Variants in SPICE1 observed in about 807,000 individuals in gnomAD.
SPICE1 encodes the protein spindle and centriole-associated protein 1.
A neutral mutation model predicts 102.7 loss-of-function variants in SPICE1; 75 were observed. The observed-to-expected ratio is 0.73, with a 90% confidence interval of 0.61 to 0.88. The LOEUF (loss-of-function observed/expected upper bound fraction) is 0.88, where lower values mean the gene tolerates loss of function less well. SPICE1 is among the 40% of genes least tolerant of loss of function. The pLI is 0.00. For missense variants in SPICE1, 979 were observed against 1,020.1 expected, an observed-to-expected ratio of 0.96 and a Z score of 0.55; for synonymous variants, 308 against 350.3, an observed-to-expected ratio of 0.88 and a Z score of 1.35.
chr3:113,488,894 G>A, intron 7 of SPICE1, 51 bp downstream of exon 7: 1 of 1,040,716 alleles, frequency 9.6e-7, no homozygotes, highest in Non-Finnish European at 1.5e-6. Context: ...ACATTGAAAT[G>A]GCCATGGAAA....
Position 113,499,487 on chromosome 3 carries a change from T to G in SPICE1, c.243A>C (p.Lys81Asn). 6.2e-7 allele frequency: 1 copy of G among 1,613,428 alleles called. No homozygotes were observed. The highest frequency in any genetic ancestry group is 8.5e-7 in the Non-Finnish European group (1 of 1,179,818). Reference protein sequence around the residue: ...KALKRKWRKQKPETLNLEKRR... With the variant: ...KALKRKWRKQNPETLNLEKRR... The stretch of plus-strand genomic sequence containing the variant: ...TTTTCTCAAGATTTAAAGTTTCTGG[T>G]TTCTGCTTCCTCCATTTTCTCTTCA... The change falls in exon 4 of 18, where the codon AAA (lysine) becomes AAC (asparagine). Residue 81 changes from lysine (K) to asparagine (N), a missense_variant. Coordinates refer to ENST00000295872, the MANE Select transcript of SPICE1 (RefSeq NM_144718.4).
Position 113,453,489 on chromosome 3 carries a change from C to T in SPICE1, c.2119G>A (p.Glu707Lys). The T allele has an allele frequency of 6.2e-7, 1 of 1,609,290 alleles. No individual in the cohort carries two copies. Among genetic ancestry groups the T allele is most frequent in the South Asian group, 1.1e-5 (1 of 90,570 alleles). The part of the protein sequence containing the change: ...GDGLRELNKQ[E>K]SASDMTSTFP... ...ACAGAAGTCATGTCACTTGCACTTT[C>T]TTGTTTGTTCAACTCCCGGAGTCCA... Residue 707 changes from glutamate (E) to lysine (K), a missense_variant, in exon 14 of 18, where the codon GAA (glutamate) becomes AAA (lysine). By Grantham distance (56) the Glu-to-Lys change is moderately conservative. Coordinates refer to ENST00000295872, the MANE Select transcript of SPICE1 (RefSeq NM_144718.4).
chr3:113,482,194 G>C (rs567839594), intron 7 of SPICE1, among the ~76,000 whole-genome samples: 1 of 152,086 alleles, frequency 6.6e-6, no homozygotes, highest in Admixed American at 6.5e-5. Context: ...TATGTTTTTT[G>C]GCTGCATAAA....
Position 113,494,043 on chromosome 3 carries a change from G to A in SPICE1, c.385+6C>T, listed in dbSNP as rs949558099. Reference sequence around the variant, plus strand: ...AAATAGAGAAGCTTTTGTTTGAATTGAATACCTGTGCGCCTACGAGGAAAC... The same window carrying A: ...AAATAGAGAAGCTTTTGTTTGAATTAAATACCTGTGCGCCTACGAGGAAAC... On this transcript the variant is annotated splice_donor_region_variant and intron_variant, in intron 5 of 17. Coordinates refer to ENST00000295872, the MANE Select transcript of SPICE1 (RefSeq NM_144718.4). 17 of 1,585,622 alleles carry A rather than the reference G, an allele frequency of 1.1e-5. No homozygotes were observed. Among genetic ancestry groups the A allele is most frequent in the Non-Finnish European group, 1.4e-5 (16 of 1,163,992 alleles).
At chr3:113,492,811 C>G (rs1252075605) in intron 6 of SPICE1, among the ~76,000 whole-genome samples, 1 of 152,134 alleles carries the variant, frequency 6.6e-6, no homozygotes, top group Non-Finnish European at 1.5e-5. Flanking sequence ...CCACCTGACT[C>G]CAAGTGGAAA....
At position 113,468,165 on chromosome 3, in the gene SPICE1, A is replaced by G; in HGVS notation, c.1129T>C (p.Cys377Arg). Reference protein sequence around the residue: ...GFTLSLVSSLCRLVRYLKESE... With the variant: ...GFTLSLVSSLRRLVRYLKESE... ...TCTTTAAGGTACCGAACCAGGCGAC[A>G]GAGGGAGCTCACCAGCGACAAAGTG... The change falls in exon 10 of 18, where the codon TGT (cysteine) becomes CGT (arginine). Residue 377 changes from cysteine to arginine, a missense_variant. Cys to Arg is a radical substitution (Grantham distance 180). Coordinates refer to ENST00000295872, the MANE Select transcript of SPICE1 (RefSeq NM_144718.4). 1 of 1,614,234 alleles carries G rather than the reference A, an allele frequency of 6.2e-7. No individual in the cohort carries two copies.
At chr3:113,455,880 T>C (rs1186781920) in intron 13 of SPICE1, among the ~76,000 whole-genome samples, 2 of 152,130 alleles carry the variant, frequency 1.3e-5, no homozygotes, top group African/African-American at 4.8e-5. Context: ...GTGATCAGAG[T>C]AAACATATTT....
At chr3:113,511,994 T>C (rs1937230905) in intron 1 of SPICE1, among the ~76,000 whole-genome samples, 1 of 152,178 alleles carries the variant, frequency 6.6e-6, no homozygotes, top group South Asian at 2.1e-4. Context: ...AATGGACCTA[T>C]GTTACTCTTA....
chr3:113,486,215 ATATAT>A (rs1936644614), intron 7 of SPICE1, among the ~76,000 whole-genome samples: 1 of 89,764 alleles, frequency 1.1e-5, no homozygotes, highest in Non-Finnish European at 2.3e-5. Flanking sequence ...ATTCTCATAT[ATATAT>A]ATATATATAT....
chr3:113,456,107 G>T (rs775549196), intron 13 of SPICE1, among the ~76,000 whole-genome samples: 8 of 152,178 alleles, frequency 5.3e-5, no homozygotes, highest in Non-Finnish European at 1.0e-4. Context: ...TGTCACCATT[G>T]CACCATACTG....
intron 16 of SPICE1, among the ~76,000 whole-genome samples, chr3:113,447,473 A>G (rs945934601): frequency 6.6e-5 from 10 of 152,206 alleles, no homozygotes; most frequent in African/African-American, 2.4e-4. Flanking sequence ...GTATAATGAC[A>G]TGTATCTGGC....
At chr3:113,446,053 T>C (rs565600426) in intron 17 of SPICE1, among the ~76,000 whole-genome samples, 11 of 152,346 alleles carry the variant, frequency 7.2e-5, no homozygotes, top group African/African-American at 2.4e-4. Flanking sequence ...GAATATACTG[T>C]GAAATGCTTA....
intron 12 of SPICE1, among the ~76,000 whole-genome samples, chr3:113,457,899 G>C (rs1328150299): frequency 2.0e-5 from 3 of 152,064 alleles, no homozygotes; most frequent in Admixed American, 6.6e-5. Flanking sequence ...ATTTGTTATG[G>C]ATAGCTTTTT....
In SPICE1 at chr3:113,453,532, G is replaced by A; in HGVS notation, c.2076C>T (p.Pro692=). 6.2e-7 allele frequency: 1 copy of A among 1,614,044 alleles called. No homozygotes were observed. The highest frequency in any genetic ancestry group is 8.5e-7 in the Non-Finnish European group (1 of 1,180,026). ...GGAGTCCATCCCCTTGCTCTCCTCT[G>A]GGCTCAATAATATTATTCATATGTG... The part of the protein sequence containing the change: ...IKAHMNNIIE[P]RGEQGDGLRE... The change falls in exon 14 of 18, where the codon CCC becomes CCT. Residue 692 remains proline (P), a synonymous_variant. Coordinates refer to ENST00000295872, the MANE Select transcript of SPICE1 (RefSeq NM_144718.4).
chr3:113,502,490 G>A (rs1413739904), intron 3 of SPICE1, among the ~76,000 whole-genome samples: 1 of 152,110 alleles, frequency 6.6e-6, no homozygotes, highest in Non-Finnish European at 1.5e-5. Flanking sequence ...GGGAAGAACT[G>A]GGCACAAGGA....
chr3:113,465,019 T>A (rs1195546404), intron 11 of SPICE1, among the ~76,000 whole-genome samples: 1 of 150,456 alleles, frequency 6.6e-6, no homozygotes, highest in Non-Finnish European at 1.5e-5. Flanking sequence ...GGTGGGAGGA[T>A]CACTTGAGCC....
At chr3:113,499,370 T>C (rs769504800) in intron 4 of SPICE1, 69 bp downstream of exon 4, 86 of 1,506,434 alleles carry the variant, frequency 5.7e-5, no homozygotes, top group African/African-American at 1.5e-4. Flanking sequence ...GTGAATCAAA[T>C]TGAAGAAAAA....
chr3:113,493,735 G>C (rs954576554), intron 5 of SPICE1, among the ~76,000 whole-genome samples: 4 of 152,152 alleles, frequency 2.6e-5, no homozygotes, highest in Admixed American at 6.5e-5. Context: ...GACTGAAGTT[G>C]CTTTAGGTTT....
At chr3:113,477,372 G>A (rs1936377920) in intron 7 of SPICE1, among the ~76,000 whole-genome samples, 1 of 152,036 alleles carries the variant, frequency 6.6e-6, no homozygotes, top group Non-Finnish European at 1.5e-5. Context: ...GTGGAAGTCA[G>A]TGTGGCGATT....
Sources: gnomAD v4.1 joint callset for allele counts (sites outside exome capture counted in the v4.1 genomes callset) on GRCh38, gnomAD v4.1.1 for gene constraint, MANE v1.5 for transcripts, NCBI Gene and HGNC (gene_info 2026-07-23, HGNC 2026-07-21) for gene names.